KCTD19: variants seen among roughly 807,000 people sequenced by gnomAD.
KCTD19 encodes potassium channel tetramerization domain containing 19, also known as BTB/POZ domain-containing protein KCTD19.
Under a neutral mutation model 103.5 loss-of-function variants are expected in KCTD19, and 67 were observed. That is an observed-to-expected ratio of 0.65 (90% CI 0.53 to 0.79). The LOEUF (loss-of-function observed/expected upper bound fraction) is 0.79. Ranked by LOEUF, KCTD19 falls within the 30% of genes least tolerant of loss-of-function variation. The pLI is 0.00. For missense variants in KCTD19, 980 were observed against 1,136.1 expected (o/e 0.86, Z 1.98); for synonymous variants, 439 against 452.2 (o/e 0.97, Z 0.37).
At chr16:67,298,926 G>A (rs558988685) in intron 6 of KCTD19, among the ~76,000 whole-genome samples, 10 of 152,350 alleles carry the variant, frequency 6.6e-5, no homozygotes, top group African/African-American at 2.4e-4. Flanking sequence ...GCCTGGCCTG[G>A]CCTGCCCTGC....
At chr16:67,294,273 C>A in intron 11 of KCTD19, 102 bp from the exon 12 acceptor site, 2 of 1,251,024 alleles carry the variant, frequency 1.6e-6, no homozygotes, top group Non-Finnish European at 2.2e-6. Context: ...CACTTGCTCT[C>A]CCTGAACAAT....
At chr16:67,291,188 T>TTCTCCTTAACCCC (rs1567446138) in intron 14 of KCTD19, 121 bp downstream of exon 14, 1 of 1,295,430 alleles carries the variant, frequency 7.7e-7, no homozygotes, top group Non-Finnish European at 1.1e-6. Flanking sequence ...CTTCTGGCCC[T>TTCTCCTTAACCCC]GGCCTTCTCC....
chr16:67,301,420 GCT>G (rs2036832724), intron 5 of KCTD19: 1 of 166,364 alleles, frequency 6.0e-6, no homozygotes, highest in South Asian at 1.8e-4. Flanking sequence ...GCTGGTGGGT[GCT>G]CTTAGTCCCC....
At chr16:67,302,913 A>G in intron 4 of KCTD19, 1 of 525,976 alleles carries the variant, frequency 1.9e-6, no homozygotes, top group Admixed American at 3.5e-5. Flanking sequence ...TGACACTTTT[A>G]CAGCCAGGCC....
At chr16:67,315,361 C>G (rs867334341) in intron 2 of KCTD19, among the ~76,000 whole-genome samples, 17 of 150,402 alleles carry the variant, frequency 1.1e-4, no homozygotes, top group South Asian at 1.1e-3. Flanking sequence ...GCTGGAGTGC[C>G]GTGGCTCAAT....
intron 2 of KCTD19, among the ~76,000 whole-genome samples, chr16:67,316,674 T>G (rs887446205): frequency 2.6e-5 from 4 of 152,224 alleles, no homozygotes; most frequent in African/African-American, 9.6e-5. Context: ...CTGTTTTAAT[T>G]GTCTTCATAG....
rs1259756527 is a variant in KCTD19 at position 67,320,852 on chromosome 16, C to T, written c.37G>A (p.Asp13Asn). ...ESGMAHESAE[D>N]LFHFNVGGWH... ...CCCCCTACGTTGAAATGAAACAAGT[C>T]CTCTGCTGATTCATGAGCCATGCCA... Residue 13 changes from aspartate (D) to asparagine (N), a missense_variant, in exon 2 of 16, where the codon GAC becomes AAC. Coordinates refer to ENST00000304372, the MANE Select transcript of KCTD19 (RefSeq NM_001100915.3). This position sits in a 1 kb window ranked among gnomAD's most constrained non-coding sequence, Gnocchi z 4.0. 3.1e-6 allele frequency: 5 copies of T among 1,613,936 alleles called. No homozygotes were observed. The highest frequency in any genetic ancestry group is 1.1e-5 in the South Asian group (1 of 91,070).
chr16:67,291,588 G>A, intron 13 of KCTD19, 58 bp downstream of exon 13: 1 of 1,581,486 alleles, frequency 6.3e-7, no homozygotes, highest in East Asian at 2.2e-5. Context: ...TACCCTGGGA[G>A]GGGGCTCAGG....
At chr16:67,298,810 G>A (rs573187449) in intron 6 of KCTD19, among the ~76,000 whole-genome samples, 3 of 152,310 alleles carry the variant, frequency 2.0e-5, no homozygotes, top group African/African-American at 7.2e-5. Flanking sequence ...ACCTCAGTTT[G>A]CCCATCTACA....
Position 67,301,816 on chromosome 16 carries a change from G to T in KCTD19, c.750C>A (p.Ala250=), listed in dbSNP as rs764750882. ...CCATGTTCATCCGGTACCACCTTAC[G>T]GCTTCAGTGAGTGCAGGGATTTCCA... ...EILEIPALTE[A]VRWYRMNMGG... is the part of the protein sequence containing the mutation. The change falls in exon 5 of 16, where the codon GCC becomes GCA. Residue 250 remains alanine (A), a synonymous_variant. Coordinates refer to ENST00000304372, the MANE Select transcript of KCTD19 (RefSeq NM_001100915.3). 3.1e-6 allele frequency: 5 copies of T among 1,613,952 alleles called. No homozygotes were observed. Among genetic ancestry groups the T allele is most frequent in the Non-Finnish European group, 4.2e-6 (5 of 1,179,910 alleles).
At chr16:67,301,953 A>G in intron 4 of KCTD19, 31 bp from the exon 5 acceptor site, 1 of 1,612,178 alleles carries the variant, frequency 6.2e-7, no homozygotes, top group South Asian at 1.1e-5. Flanking sequence ...ACAGTGAGTT[A>G]ATGAGGCTAT....
chr16:67,306,528 G>A (rs1485214473), intron 2 of KCTD19, among the ~76,000 whole-genome samples: 1 of 152,182 alleles, frequency 6.6e-6, no homozygotes, highest in African/African-American at 2.4e-5. Context: ...GGCTGGTGCT[G>A]GGATTATAGG....
intron 6 of KCTD19, among the ~76,000 whole-genome samples, chr16:67,298,592 C>CT (rs1407153606): frequency 4.6e-5 from 7 of 152,192 alleles, no homozygotes; most frequent in Non-Finnish European, 8.8e-5. Flanking sequence ...TTCCAAGGCA[C>CT]TTGTCTTTGC....
chr16:67,295,739 G>T, intron 8 of KCTD19: 1 of 338,820 alleles, frequency 3.0e-6, no homozygotes, highest in East Asian at 6.0e-5. Flanking sequence ...CGGTCCACTT[G>T]TGCTCTGTTT....
chr16:67,306,681 A>C (rs114643117), intron 2 of KCTD19, among the ~76,000 whole-genome samples: 92 of 152,162 alleles, frequency 6.0e-4, no homozygotes, highest in African/African-American at 2.1e-3. Context: ...ATCTTAAAAA[A>C]CTTTAGTGCT....
At chr16:67,291,079 C>T (rs1423582113) in intron 14 of KCTD19, 93 bp from the exon 15 acceptor site, 3 of 1,379,562 alleles carry the variant, frequency 2.2e-6, no homozygotes, top group Non-Finnish European at 3.0e-6. Flanking sequence ...GCCCACAGAG[C>T]CACAGGGGTA....
At chr16:67,302,063 A>T in intron 4 of KCTD19, 141 bp from the exon 5 acceptor site, 1 of 722,834 alleles carries the variant, frequency 1.4e-6, no homozygotes, top group Non-Finnish European at 2.3e-6. Flanking sequence ...ATACCTTATT[A>T]GATTAGCTTT....
chr16:67,289,749 G>T, intron 15 of KCTD19, 67 bp from the exon 16 acceptor site: 2 of 1,233,960 alleles, frequency 1.6e-6, no homozygotes, highest in Non-Finnish European at 2.4e-6. Flanking sequence ...CCATGTGGGT[G>T]GGGTTCTCCC....
chr16:67,310,467 C>T lies in KCTD19; in HGVS notation c.301-5896G>A, dbSNP rs553767995. Among the ~76,000 whole-genome samples, 3 of 152,348 alleles carry T rather than the reference C, an allele frequency of 2.0e-5. No homozygotes were observed. In the South Asian group the frequency reaches 6.2e-4, roughly 32 times the overall value. On this transcript the variant is annotated intron_variant, in intron 2 of 15. Transcript: ENST00000304372. ...TCCGCTTTCATCTGCCTGAATACAA[C>T]TTCCAGGAATTTTACTTTTCACATG... is the stretch of plus-strand genomic sequence containing the variant.
Sources: gnomAD v4.1 joint callset for allele counts (sites outside exome capture counted in the v4.1 genomes callset) on GRCh38, gnomAD v4.1.1 for gene constraint, Gnocchi (gnomAD v3.1) non-coding constraint, MANE v1.5 for transcripts, NCBI Gene and HGNC (gene_info 2026-07-23, HGNC 2026-07-21) for gene names.